The following DENND1A variants were observed in gnomAD, a reference collection of about 807,000 sequenced individuals.
The protein encoded by DENND1A is DENN domain-containing protein 1A.
Under a neutral mutation model 113.7 loss-of-function variants are expected in DENND1A, and 51 were observed. The ratio of observed to expected loss-of-function variants is 0.45; its 90% CI spans 0.36 to 0.57. The LOEUF is 0.57. Ranked by LOEUF, DENND1A falls within the 20% of genes least tolerant of loss-of-function variation. The pLI, the probability that DENND1A is intolerant of heterozygous loss-of-function variation, is 0.00. For missense variants in DENND1A, 1,258 were observed against 1,395.9 expected (o/e 0.90, Z 1.57); for synonymous variants, 565 against 570.8 (o/e 0.99, Z 0.14).
intron 6 of DENND1A, among the ~76,000 whole-genome samples, chr9:123,672,754 C>A (rs2063829553): frequency 6.6e-6 from 1 of 152,218 alleles, no homozygotes. Context: ...CAGCACCAGG[C>A]TCTTGGACTT....
chr9:123,616,771 G>GGGAAAA (rs1309459655), intron 10 of DENND1A, among the ~76,000 whole-genome samples: 1 of 152,212 alleles, frequency 6.6e-6, no homozygotes, highest in Non-Finnish European at 1.5e-5. Context: ...CTCCTGGGGA[G>GGGAAAA]GGAAAAGTGT....
At chr9:123,811,011 G>A (rs145089974) in intron 2 of DENND1A, among the ~76,000 whole-genome samples, 3 of 151,696 alleles carry the variant, frequency 2.0e-5, no homozygotes, top group South Asian at 2.1e-4. Context: ...CACCCACCTC[G>A]GCCTCCCAAA....
intron 13 of DENND1A, among the ~76,000 whole-genome samples, chr9:123,510,355 C>T (rs2053353438): frequency 6.6e-6 from 1 of 152,242 alleles, no homozygotes; most frequent in South Asian, 2.1e-4. Context: ...AAGGGAAATA[C>T]ACAATAGAAT....
chr9:123,721,387 G>A (rs919979285), intron 5 of DENND1A, among the ~76,000 whole-genome samples: 4 of 152,148 alleles, frequency 2.6e-5, no homozygotes, highest in African/African-American at 9.7e-5. Context: ...TGCCCGTGCT[G>A]TCCAACCTGC....
chr9:123,794,047 T>G (rs1833410319), intron 2 of DENND1A, among the ~76,000 whole-genome samples: 1 of 152,234 alleles, frequency 6.6e-6, no homozygotes, highest in African/African-American at 2.4e-5. Flanking sequence ...GCCCCTGCAG[T>G]ACCAACTCAG....
chr9:123,917,050 G>C (rs926225934), intron 1 of DENND1A, among the ~76,000 whole-genome samples: 4 of 151,928 alleles, frequency 2.6e-5, no homozygotes, highest in Admixed American at 6.6e-5. Flanking sequence ...TGGGCATGGT[G>C]GCAGTTACCC....
chr9:123,575,094 C>T (rs2058563430), intron 12 of DENND1A, among the ~76,000 whole-genome samples: 1 of 152,138 alleles, frequency 6.6e-6, no homozygotes, highest in African/African-American at 2.4e-5. Flanking sequence ...AGTCCCACGA[C>T]CTTTTTGGCA....
At chr9:123,516,438 G>C (rs1044482016) in intron 13 of DENND1A, among the ~76,000 whole-genome samples, 2 of 151,838 alleles carry the variant, frequency 1.3e-5, no homozygotes, top group Non-Finnish European at 2.9e-5. Context: ...ACAAACACCT[G>C]GCAAATAAAC....
At chr9:123,743,525 G>A (rs1352002219) in intron 5 of DENND1A, among the ~76,000 whole-genome samples, 1 of 151,702 alleles carries the variant, frequency 6.6e-6, no homozygotes, top group East Asian at 1.9e-4. Flanking sequence ...TGAGGTCAGG[G>A]GTTTGAGACC....
At chr9:123,436,687 T>C (rs1453682959) in intron 19 of DENND1A, among the ~76,000 whole-genome samples, 1 of 152,190 alleles carries the variant, frequency 6.6e-6, no homozygotes, top group Non-Finnish European at 1.5e-5. Flanking sequence ...ATAAGCTGAG[T>C]GGCCTAACAT....
At chr9:123,723,522 G>T (rs1157935649) in intron 5 of DENND1A, among the ~76,000 whole-genome samples, 3 of 152,150 alleles carry the variant, frequency 2.0e-5, no homozygotes, top group Non-Finnish European at 4.4e-5. Context: ...CAGTTCCCAT[G>T]TGTCATGGGA....
chr9:123,758,943 G>A (rs2131436568), intron 4 of DENND1A, among the ~76,000 whole-genome samples: 1 of 152,132 alleles, frequency 6.6e-6, no homozygotes. Flanking sequence ...TGGAACTACA[G>A]GTGCCCGCCA....
intron 19 of DENND1A, among the ~76,000 whole-genome samples, chr9:123,418,418 A>T (rs182979630): frequency 6.6e-6 from 1 of 152,234 alleles, no homozygotes; most frequent in Non-Finnish European, 1.5e-5. Context: ...TGAGGACAGC[A>T]TCTGATTTGC....
chr9:123,446,456 C>A (rs1350995455), intron 18 of DENND1A, among the ~76,000 whole-genome samples: 3 of 152,162 alleles, frequency 2.0e-5, no homozygotes, highest in Non-Finnish European at 4.4e-5. Flanking sequence ...TCAATGGGAA[C>A]AGTTTGGCCA....
intron 8 of DENND1A, among the ~76,000 whole-genome samples, chr9:123,661,908 C>T (rs2139712282): frequency 6.6e-6 from 1 of 151,924 alleles, no homozygotes; most frequent in Middle Eastern, 3.4e-3. Context: ...AGGATCAGCA[C>T]AGGATATTTT....
At chr9:123,386,379 TTC>T (rs1186155317) in intron 22 of DENND1A, among the ~76,000 whole-genome samples, 3 of 65,836 alleles carry the variant, frequency 4.6e-5, no homozygotes, top group Non-Finnish European at 7.0e-5. Flanking sequence ...TTTCTTTTCT[TTC>T]TTTTTTTTTT....
At chr9:123,414,642 C>A (rs902019064) in intron 19 of DENND1A, 1 of 1,540,052 alleles carries the variant, frequency 6.5e-7, no homozygotes, top group African/African-American at 1.4e-5. Context: ...CCACCCAAAC[C>A]AGGCAAAAAC....
Position 123,916,044 on chromosome 9 carries a change from T to C in DENND1A, c.17+13845A>G, listed in dbSNP as rs181601420. ...TTCCACTTGGAAAAATCTATCGCAA[T>C]GGTATAATGGTAAAAATACAAAAAG... On this transcript the variant is annotated intron_variant, in intron 1 of 23. Coordinates refer to ENST00000394215, the MANE Select transcript of DENND1A (RefSeq NM_001352964.2). Among the ~76,000 whole-genome samples the C allele has an allele frequency of 3.3e-5, 5 of 152,146 alleles. 1 individual carries two copies. Among genetic ancestry groups the C allele is most frequent in the Admixed American group, 1.3e-4 (2 of 15,274 alleles).
intron 13 of DENND1A, among the ~76,000 whole-genome samples, chr9:123,544,812 C>T (rs999126097): frequency 1.3e-5 from 2 of 152,148 alleles, no homozygotes; most frequent in African/African-American, 4.8e-5. Flanking sequence ...TAAATAAGAA[C>T]TATGTGCCAG....
Sources: gnomAD v4.1 joint callset for allele counts (sites outside exome capture counted in the v4.1 genomes callset) on GRCh38, gnomAD v4.1.1 for gene constraint, MANE v1.5 for transcripts, NCBI Gene and HGNC (gene_info 2026-07-23, HGNC 2026-07-21) for gene names.